CEP192: variants seen among roughly 807,000 people sequenced by gnomAD.
The protein encoded by CEP192 is centrosomal protein of 192 kDa.
CEP192 carries 151 observed loss-of-function variants against 271.8 expected under a neutral mutation model. The observed-to-expected ratio is 0.56, with a 90% CI of 0.49 to 0.64. CEP192 has a LOEUF of 0.64. Among genes scored for constraint, CEP192 ranks in the 30% least tolerant of loss-of-function variants. The pLI, the probability that CEP192 is intolerant of heterozygous loss-of-function variation, is 0.00. For missense variants in CEP192, 2,910 were observed against 3,020.5 expected (o/e 0.96, Z 0.86); for synonymous variants, 995 against 1,076.5 (o/e 0.92, Z 1.48).
chr18:12,994,118 A>T (rs576008193), intron 1 of CEP192, among the ~76,000 whole-genome samples: 1 of 152,362 alleles, frequency 6.6e-6, no homozygotes, highest in East Asian at 1.9e-4. Context: ...TGTTAAGGAA[A>T]TAGTGATGGA....
chr18:13,027,837 A>G (rs1447929643), intron 9 of CEP192, among the ~76,000 whole-genome samples: 2 of 147,070 alleles, frequency 1.4e-5, no homozygotes, highest in Middle Eastern at 3.5e-3. Context: ...GTTTTATTTG[A>G]CTTTTTTTTT....
Position 13,087,405 on chromosome 18 carries a change from T to G in CEP192, c.5878-126T>G, listed in dbSNP as rs11876347. ...TAGGAATAGAAGTACTTATGTGATC[T>G]TGGAAATGCCATGCGTATGCACTTG... is the stretch of plus-strand genomic sequence containing the variant. On this transcript the variant is annotated intron_variant, in intron 31 of 44. Coordinates refer to ENST00000506447, the MANE Select transcript of CEP192 (RefSeq NM_032142.4). 9.0e-3 allele frequency: 9,158 copies of G among 1,014,890 alleles called. 508 individuals carry two copies. In the African/African-American group the frequency reaches 0.13, roughly 14 times the overall value. The allele number at this position is 1,014,890 out of a possible 1,614,324, so 62.9% of individuals were successfully genotyped here. A position where few individuals can be genotyped will look rare whatever the true frequency, so the allele number is the denominator to read the frequency against.
In CEP192 at chr18:13,092,534, TA is replaced by T. The variant is rs1247133221; in HGVS notation, c.6254+10del. 18 of 1,586,066 alleles carry T rather than the reference TA, an allele frequency of 1.1e-5. No homozygotes were observed. Among genetic ancestry groups the T allele is most frequent in the Non-Finnish European group, 1.5e-5 (18 of 1,168,250 alleles). On this transcript the variant is annotated splice_region_variant and intron_variant, in intron 34 of 44. Coordinates refer to ENST00000506447, the MANE Select transcript of CEP192 (RefSeq NM_032142.4). ...CTAGCTTGGAATCTACAAGGTAAAA[TA>T]AATGAACAGAAATCTTTCACCAGAT...
chr18:13,095,200 C>T (rs1170541954), intron 34 of CEP192, among the ~76,000 whole-genome samples: 2 of 152,098 alleles, frequency 1.3e-5, no homozygotes, highest in Non-Finnish European at 2.9e-5. Context: ...TGGTGTCTTG[C>T]TATGTTGCCC....
chr18:13,080,655 C>T lies in CEP192; in HGVS notation c.5617-6362C>T, dbSNP rs561408341. 3.3e-5 allele frequency among the ~76,000 whole-genome samples: 5 copies of T among 152,276 alleles called. No homozygotes were observed. The South Asian group carries it at 1.0e-3, about 32-fold the overall frequency. On this transcript the variant is annotated intron_variant, in intron 30 of 44. Coordinates refer to ENST00000506447, the MANE Select transcript of CEP192 (RefSeq NM_032142.4). Reference sequence around the variant, plus strand: ...TCTTTCTCTTGCCTGATTGCCCTGGCCAGAACTTCCACCACTATGTTGAAT... The same window carrying T: ...TCTTTCTCTTGCCTGATTGCCCTGGTCAGAACTTCCACCACTATGTTGAAT...
chr18:13,003,467 AAAAAAG>A (rs2033782714), intron 3 of CEP192, among the ~76,000 whole-genome samples: 2 of 150,856 alleles, frequency 1.3e-5, no homozygotes, highest in African/African-American at 4.9e-5. Context: ...AAAAAAAAAA[AAAAAAG>A]AAGATATGAG....
intron 30 of CEP192, among the ~76,000 whole-genome samples, chr18:13,075,344 G>A (rs1328959654): frequency 6.6e-6 from 1 of 152,012 alleles, no homozygotes; most frequent in Non-Finnish European, 1.5e-5. Context: ...GAGGCAGGTG[G>A]ATCACGAGGT....
chr18:12,996,577 A>T lies in CEP192; in HGVS notation c.-4-2844A>T, dbSNP rs73953329. 4.8e-3 allele frequency among the ~76,000 whole-genome samples: 732 copies of T among 152,178 alleles called. 6 individuals are homozygous for T. The highest frequency in any genetic ancestry group is 0.017 in the African/African-American group (702 of 41,500). ...TGAAATTGAAGGCAATCACCCAGAGAGGGTGAGTTGATGGAAGAAGTTGAA... is the reference window on the plus strand; with the variant it reads ...TGAAATTGAAGGCAATCACCCAGAGTGGGTGAGTTGATGGAAGAAGTTGAA... On this transcript the variant is annotated intron_variant, in intron 1 of 44. Coordinates refer to ENST00000506447, the MANE Select transcript of CEP192 (RefSeq NM_032142.4).
chr18:13,068,363 C>T lies in CEP192; in HGVS notation c.4763C>T (p.Pro1588Leu). Residue 1588 changes from proline (P) to leucine (L), a missense_variant, in exon 24 of 45, where the codon CCA becomes CTA. Transcript: ENST00000506447. ...MMPASYDGQDPEFLMIWVLFH... is the reference protein window; with the variant it reads ...MMPASYDGQDLEFLMIWVLFH... ...ATTTTTCTTTTAATTTTATAGGATCCAGAATTTCTGATGATTTGGGTTCTT... is the reference window on the plus strand; with the variant it reads ...ATTTTTCTTTTAATTTTATAGGATCTAGAATTTCTGATGATTTGGGTTCTT... The T allele has an allele frequency of 6.2e-7, 1 of 1,612,156 alleles. No homozygotes were observed. The highest frequency in any genetic ancestry group is 1.1e-5 in the South Asian group (1 of 90,618).
intron 3 of CEP192, among the ~76,000 whole-genome samples, chr18:13,007,360 T>C (rs1005902412): frequency 3.3e-5 from 5 of 152,206 alleles, no homozygotes; most frequent in South Asian, 2.1e-4. Flanking sequence ...TTTGAGGAAG[T>C]AGCATTTTTA....
At chr18:13,098,323 A>AC (rs1276089428) in intron 36 of CEP192, among the ~76,000 whole-genome samples, 1 of 148,670 alleles carries the variant, frequency 6.7e-6, no homozygotes, top group Non-Finnish European at 1.5e-5. Context: ...GCGGGGGCTG[A>AC]CCCCCACCTC....
chr18:13,019,289 A>G lies in CEP192; in HGVS notation c.1050+83A>G, dbSNP rs926670692. The G allele has an allele frequency of 1.0e-5, 12 of 1,160,420 alleles. No homozygotes were observed. The Admixed American group carries it at 1.9e-4, about 19-fold the overall frequency. The allele number at this position is 1,160,420 out of a possible 1,614,324, so 71.9% of individuals were successfully genotyped here. A position where few individuals can be genotyped will look rare whatever the true frequency, so the allele number is the denominator to read the frequency against. ...GTTTATATGATATCAGTTTTTTTCA[A>G]AGAAACAGTAACTGTTGACTTCTGA... On this transcript the variant is annotated intron_variant, in intron 9 of 44. Transcript: ENST00000506447.
At chr18:13,119,325 TG>T (rs2040563803) in intron 44 of CEP192, among the ~76,000 whole-genome samples, 1 of 152,246 alleles carries the variant, frequency 6.6e-6, no homozygotes, top group South Asian at 2.1e-4. Flanking sequence ...ACCAGCTTTT[TG>T]CAGGGTATAT....
intron 30 of CEP192, among the ~76,000 whole-genome samples, chr18:13,076,213 T>C (rs78318536): frequency 0.02 from 2,997 of 152,322 alleles, 76 homozygotes; most frequent in African/African-American, 0.067. Context: ...TAGATTTGTT[T>C]CATTTAATCA....
intron 9 of CEP192, among the ~76,000 whole-genome samples, chr18:13,027,085 G>A (rs73417584): frequency 1.3e-5 from 2 of 152,198 alleles, no homozygotes; most frequent in East Asian, 1.9e-4. Flanking sequence ...AAGTGAGCCT[G>A]TGTCTTTAGA....
chr18:12,993,229 G>T (rs934988535), intron 1 of CEP192, among the ~76,000 whole-genome samples: 2 of 152,174 alleles, frequency 1.3e-5, no homozygotes, highest in Non-Finnish European at 2.9e-5. Context: ...GGATGGATTT[G>T]GGTGAAGACT....
In CEP192 at chr18:13,116,561, C is replaced by T. The variant is rs931884132; in HGVS notation, c.7416+58C>T. On this transcript the variant is annotated intron_variant, in intron 43 of 44. Coordinates refer to ENST00000506447, the MANE Select transcript of CEP192 (RefSeq NM_032142.4). ...AAATACATGCATTCAACTCTGATAA[C>T]AAACATTTTCCTGATGATTCTGTAG... The T allele has an allele frequency of 4.8e-6, 7 of 1,450,038 alleles. No homozygotes were observed. In the African/African-American group the frequency reaches 8.7e-5, roughly 18 times the overall value. 89.8% of individuals were successfully genotyped at this position (1,450,038 alleles called of 1,614,324 possible). A position where few individuals can be genotyped will look rare whatever the true frequency, so the allele number is the denominator to read the frequency against.
chr18:13,103,704 C>G (rs2039823579), intron 39 of CEP192, 116 bp downstream of exon 39: 3 of 899,098 alleles, frequency 3.3e-6, no homozygotes, highest in Non-Finnish European at 5.4e-6. Flanking sequence ...TGTTTGTTTT[C>G]TGAGACAAAA....
chr18:13,064,834 A>G (rs920696526), intron 21 of CEP192, among the ~76,000 whole-genome samples: 1 of 152,082 alleles, frequency 6.6e-6, no homozygotes, highest in Non-Finnish European at 1.5e-5. Context: ...GGTTCCATGT[A>G]AATTTTAAGA....
Sources: gnomAD v4.1 joint callset for allele counts (sites outside exome capture counted in the v4.1 genomes callset) on GRCh38, gnomAD v4.1.1 for gene constraint, MANE v1.5 for transcripts, NCBI Gene and HGNC (gene_info 2026-07-23, HGNC 2026-07-21) for gene names.